The following DOP1B variants were observed in gnomAD, a reference collection of about 807,000 sequenced individuals.
The protein encoded by DOP1B is DOP1 leucine zipper like protein B, also known as protein DOP1B.
Under a neutral mutation model 233.5 loss-of-function variants are expected in DOP1B, and 174 were observed. The ratio of observed to expected loss-of-function variants is 0.75; its 90% CI spans 0.66 to 0.85. The LOEUF (loss-of-function observed/expected upper bound fraction) is 0.85, where lower values mean the gene tolerates loss of function less well. DOP1B is among the 40% of genes least tolerant of loss of function. The probability of loss-of-function intolerance (pLI) is 0.00; values close to 1 mark genes in which losing one functional copy is unlikely to be tolerated. For missense variants in DOP1B, 2,652 were observed against 2,846.6 expected, an observed-to-expected ratio of 0.93 and a Z score of 1.56; for synonymous variants, 1,190 against 1,185.6, an observed-to-expected ratio of 1.00 and a Z score of -0.08.
chr21:36,184,894 G>C (rs967598976), intron 2 of DOP1B, among the ~76,000 whole-genome samples: 4 of 152,240 alleles, frequency 2.6e-5, no homozygotes, highest in African/African-American at 9.6e-5. Flanking sequence ...TCTAGAAGAA[G>C]GCGCTGGGGA....
intron 10 of DOP1B, among the ~76,000 whole-genome samples, chr21:36,222,304 T>C (rs1759951018): frequency 6.6e-6 from 1 of 151,972 alleles, no homozygotes; most frequent in Non-Finnish European, 1.5e-5. Context: ...TAAGGCTGGA[T>C]GCTATGGCTT....
rs2409761 is a variant in DOP1B at position 36,200,750 on chromosome 21, G to A, written c.491+249G>A. 0.26 allele frequency among the ~76,000 whole-genome samples: 39,873 copies of A among 151,720 alleles called. 5,196 individuals carry two copies. Among genetic ancestry groups the A allele is most frequent in the African/African-American group, 0.3 (12,537 of 41,358 alleles). ...CCCAGCTACTCGGGAGGCTGAGGCA[G>A]GAGAATGGCGTGAACCTGGGAGGCG... On this transcript the variant is annotated intron_variant, in intron 4 of 36. Coordinates refer to ENST00000691173, the MANE Select transcript of DOP1B (RefSeq NM_001320714.2).
chr21:36,200,535 C>A, intron 4 of DOP1B, 34 bp downstream of exon 4: 1 of 1,568,206 alleles, frequency 6.4e-7, no homozygotes, highest in Non-Finnish European at 8.6e-7. Context: ...TGTGTTTACT[C>A]CACTGCTTTA....
Position 36,289,142 on chromosome 21 carries a change from T to C in DOP1B, c.6451T>C (p.Ser2151Pro), listed in dbSNP as rs574292495. ...IPQSELILYL[S>P]ACKFLDTALS... ...CCAGAGTGAACTCATCTTGTATTTA[T>C]CAGCTTGCAAATTCTTGGACACAGC... The change falls in exon 35 of 37, where the codon TCA (serine) becomes CCA (proline). Residue 2151 changes from serine (S) to proline (P), a missense_variant. Transcript: ENST00000691173. The C allele has an allele frequency of 6.2e-7, 1 of 1,614,146 alleles. No individual in the cohort carries two copies. The highest frequency in any genetic ancestry group is 8.5e-7 in the Non-Finnish European group (1 of 1,180,026).
chr21:36,240,574 T>C (rs1253354357), intron 18 of DOP1B, among the ~76,000 whole-genome samples: 1 of 152,220 alleles, frequency 6.6e-6, no homozygotes. Context: ...AAGATTCTTT[T>C]AGACTATAAA....
At chr21:36,251,048 G>C (rs2067026810) in intron 21 of DOP1B, 114 bp from the exon 22 acceptor site, 3 of 1,401,650 alleles carry the variant, frequency 2.1e-6, no homozygotes, top group Non-Finnish European at 2.9e-6. Flanking sequence ...ACAACATTGG[G>C]CACAAACATG....
At chr21:36,235,871 G>GGC (rs1319492878) in intron 15 of DOP1B, among the ~76,000 whole-genome samples, 2 of 146,968 alleles carry the variant, frequency 1.4e-5, no homozygotes, top group Non-Finnish European at 1.5e-5. Context: ...GTCGGGGGGG[G>GGC]GGCGGTCTAC....
In DOP1B at chr21:36,288,812, G is replaced by A; in HGVS notation, c.6353+1G>A. 1 of 1,611,282 alleles carries A rather than the reference G, an allele frequency of 6.2e-7. No individual in the cohort carries two copies. Among genetic ancestry groups the A allele is most frequent in the Non-Finnish European group, 8.5e-7 (1 of 1,177,708 alleles). ...TAAAAGATGAAGATGAGTCATTGAGGTAAGCAGTACAAGATCTGTACACAA... is the reference window on the plus strand; with the variant it reads ...TAAAAGATGAAGATGAGTCATTGAGATAAGCAGTACAAGATCTGTACACAA... On this transcript the variant is annotated splice_donor_variant, in intron 34 of 36. Coordinates refer to ENST00000691173, the MANE Select transcript of DOP1B (RefSeq NM_001320714.2). LOFTEE classifies it high-confidence loss of function.
intron 21 of DOP1B, among the ~76,000 whole-genome samples, chr21:36,249,761 C>T (rs916210960): frequency 6.6e-5 from 10 of 152,172 alleles, no homozygotes; most frequent in African/African-American, 2.2e-4. Context: ...CCACATCTGA[C>T]ATCAGTTGAG....
chr21:36,193,700 G>C (rs2066258541), intron 2 of DOP1B, among the ~76,000 whole-genome samples: 1 of 152,060 alleles, frequency 6.6e-6, no homozygotes, highest in Non-Finnish European at 1.5e-5. Flanking sequence ...CCTTCAGTGA[G>C]ACTGAAGGGC....
chr21:36,171,363 AT>A (rs2065970478), intron 2 of DOP1B, among the ~76,000 whole-genome samples: 1 of 152,216 alleles, frequency 6.6e-6, no homozygotes, highest in South Asian at 2.1e-4. Context: ...CTGAGTGGTT[AT>A]TATGGATTGA....
At chr21:36,227,286 G>A (rs1214228297) in intron 12 of DOP1B, among the ~76,000 whole-genome samples, 6 of 151,572 alleles carry the variant, frequency 4.0e-5, no homozygotes, top group Admixed American at 6.6e-5. Context: ...GGTGGCTCAC[G>A]CCTGTAATTC....
intron 11 of DOP1B, among the ~76,000 whole-genome samples, chr21:36,224,328 C>T (rs551111297): frequency 7.9e-5 from 12 of 152,002 alleles, no homozygotes; most frequent in East Asian, 3.9e-4. Flanking sequence ...TACAGGTGCA[C>T]GCCACCACAC....
At chr21:36,220,865 C>T (rs1249808743) in intron 10 of DOP1B, among the ~76,000 whole-genome samples, 2 of 152,010 alleles carry the variant, frequency 1.3e-5, no homozygotes, top group African/African-American at 4.8e-5. Context: ...GGCTAGAGCA[C>T]AGTGGCACCA....
chr21:36,161,534 A>G (rs2065869624), intron 1 of DOP1B, among the ~76,000 whole-genome samples: 1 of 152,064 alleles, frequency 6.6e-6, no homozygotes, highest in South Asian at 2.1e-4. Flanking sequence ...TGTTTTTGAG[A>G]CAGGGTCTTG....
Position 36,246,491 on chromosome 21 carries a change from T to A in DOP1B, c.4511T>A (p.Val1504Glu), listed in dbSNP as rs766743225. 1.9e-6 allele frequency: 3 copies of A among 1,614,082 alleles called. No individual in the cohort carries two copies. Reference sequence around the variant, plus strand: ...CAGGGTCTTCTGGTCTCTGCGGTGGTGAGGGGTCTGCAGCCCGCCTACGGT... The same window carrying A: ...CAGGGTCTTCTGGTCTCTGCGGTGGAGAGGGGTCTGCAGCCCGCCTACGGT... ...TSQGLLVSAV[V>E]RGLQPAYGYG... The change falls in exon 19 of 37, where the codon GTG becomes GAG. Residue 1504 changes from valine (V) to glutamate (E), a missense_variant. By Grantham distance (121) the Val-to-Glu change is moderately radical. Around this residue, in one of 3 missense-constraint regions of DOP1B, gnomAD observed 2,617 missense variants for 2,794.3 expected, o/e 0.94. Transcript: ENST00000691173. This position sits in a 1 kb window ranked among gnomAD's most constrained non-coding sequence, Gnocchi z 5.1.
intron 2 of DOP1B, among the ~76,000 whole-genome samples, chr21:36,186,430 ATATG>A (rs894793215): frequency 4.6e-5 from 7 of 151,702 alleles, no homozygotes; most frequent in African/African-American, 7.3e-5. Context: ...GTGTGTGTGT[ATATG>A]TATGGGAAGT....
intron 26 of DOP1B, among the ~76,000 whole-genome samples, chr21:36,268,591 A>G (rs2067254611): frequency 6.6e-6 from 1 of 152,250 alleles, no homozygotes; most frequent in Admixed American, 6.5e-5. Context: ...TTACAAAAGT[A>G]TTATTTGGGA....
intron 24 of DOP1B, among the ~76,000 whole-genome samples, chr21:36,262,898 A>G (rs1202496469): frequency 1.5e-5 from 2 of 136,890 alleles, no homozygotes; most frequent in South Asian, 4.4e-4. Flanking sequence ...CTTAAAAAAC[A>G]ATAATAAAAT....
Sources: allele counts gnomAD v4.1 joint callset (sites outside exome capture counted in the v4.1 genomes callset), GRCh38; gene constraint gnomAD v4.1.1; regional missense constraint gnomAD v4.1.1; non-coding constraint Gnocchi (gnomAD v3.1); transcripts MANE v1.5; gene names NCBI Gene and HGNC (gene_info 2026-07-23, HGNC 2026-07-21).